Variants in CTNND2 observed in about 807,000 individuals in gnomAD.
CTNND2 encodes the protein catenin delta 2.
CTNND2 carries 22 observed loss-of-function variants against 144.4 expected under a neutral mutation model. That is an observed-to-expected ratio of 0.15 (90% CI 0.11 to 0.22). CTNND2 has a LOEUF of 0.22. Ranked by LOEUF, CTNND2 falls within the 10% of genes least tolerant of loss-of-function variation. CTNND2 has a pLI of 1.00. For missense variants in CTNND2, 1,353 were observed against 1,618.8 expected, an observed-to-expected ratio of 0.84 and a Z score of 2.82; for synonymous variants, 751 against 695.6, an observed-to-expected ratio of 1.08 and a Z score of -1.25.
intron 20 of CTNND2, 146 bp downstream of exon 20, chr5:10,987,965 A>T (rs950321483): frequency 1.1e-5 from 11 of 996,552 alleles, no homozygotes; most frequent in African/African-American, 1.6e-5. Flanking sequence ...AATCATCATT[A>T]TCAAGCTCTC....
chr5:11,343,586 G>T (rs1054495968), intron 9 of CTNND2, among the ~76,000 whole-genome samples: 1 of 151,742 alleles, frequency 6.6e-6, no homozygotes, highest in African/African-American at 2.4e-5. Flanking sequence ...AAAAATGTTC[G>T]TGCCAACATG....
intron 3 of CTNND2, among the ~76,000 whole-genome samples, chr5:11,553,411 G>C (rs1383102106): frequency 6.6e-6 from 1 of 152,128 alleles, no homozygotes; most frequent in East Asian, 1.9e-4. Context: ...TTAGAAAAGA[G>C]ACTTCAATGA....
rs9312766 is a variant in CTNND2, at chr5:11,373,788, C to G, written c.1178-8898G>C. 1.7e-3 allele frequency among the ~76,000 whole-genome samples: 258 copies of G among 152,250 alleles called. 1 individual carries two copies. Among genetic ancestry groups the G allele is most frequent in the African/African-American group, 6.1e-3 (253 of 41,542 alleles). ...TTAAGGCTGAAGCTTCAGAATATCC[C>G]CAGAAATATCCATTCCTGAAAGTGA... On this transcript the variant is annotated intron_variant, in intron 7 of 21. Coordinates refer to ENST00000304623, the MANE Select transcript of CTNND2 (RefSeq NM_001332.4).
chr5:11,695,603 T>C (rs531512206), intron 2 of CTNND2, among the ~76,000 whole-genome samples: 3 of 152,348 alleles, frequency 2.0e-5, no homozygotes, highest in African/African-American at 7.2e-5. Flanking sequence ...ATATTTTTAT[T>C]CCGTAACAAT....
Position 11,675,271 on chromosome 5 carries a change from G to A in CTNND2, c.174+56865C>T, listed in dbSNP as rs539732936. ...GCAGAACAGAAACTCACTTTCCATA[G>A]CACCAGCCCAATCCCTGTTTTAACC... On this transcript the variant is annotated intron_variant, in intron 2 of 21. Transcript: ENST00000304623. Among the ~76,000 whole-genome samples, 306 of 152,174 alleles carry A rather than the reference G, an allele frequency of 2.0e-3. 1 individual carries two copies. Among genetic ancestry groups the A allele is most frequent in the Non-Finnish European group, 3.8e-3 (261 of 68,006 alleles).
rs545955052 is a variant in CTNND2, at chr5:11,581,161, A to G, written c.175-16105T>C. 1.2e-4 allele frequency among the ~76,000 whole-genome samples: 19 copies of G among 152,076 alleles called. 1 individual carries two copies. The East Asian group carries it at 3.1e-3, about 25-fold the overall frequency. On this transcript the variant is annotated intron_variant, in intron 2 of 21. Coordinates refer to ENST00000304623, the MANE Select transcript of CTNND2 (RefSeq NM_001332.4). ...TTCAACTATAAATTTTTTTTTTCTGAACCCCTGTCAAACCAGACTTACCTA... is the reference window on the plus strand; with the variant it reads ...TTCAACTATAAATTTTTTTTTTCTGGACCCCTGTCAAACCAGACTTACCTA...
rs11430959 is a variant in CTNND2, at chr5:11,721,374, G to GTT, written c.174+10760_174+10761dup. On this transcript the variant is annotated intron_variant, in intron 2 of 21. Coordinates refer to ENST00000304623, the MANE Select transcript of CTNND2 (RefSeq NM_001332.4). Reference sequence around the variant, plus strand: ...GTATGTGAGTAAATCTCAATAAGCTGTTTTTTTTTAAATTCACCCCAGGCT... The same window carrying GTT: ...GTATGTGAGTAAATCTCAATAAGCTGTTTTTTTTTTTAAATTCACCCCAGGCT... 8.4e-4 allele frequency among the ~76,000 whole-genome samples: 127 copies of GTT among 151,400 alleles called. 1 individual carries two copies. In the South Asian group the frequency reaches 0.013, roughly 15 times the overall value.
At chr5:11,440,797 T>A (rs528732854) in intron 3 of CTNND2, among the ~76,000 whole-genome samples, 16 of 152,316 alleles carry the variant, frequency 1.1e-4, no homozygotes, top group African/African-American at 3.8e-4. Context: ...CTTCCCCAAA[T>A]TAAAATTTAA....
chr5:11,217,554 A>T (rs1739325145), intron 10 of CTNND2, among the ~76,000 whole-genome samples: 1 of 152,208 alleles, frequency 6.6e-6, no homozygotes, highest in South Asian at 2.1e-4. Flanking sequence ...CTGCTCATGC[A>T]TTTAGTGGAC....
intron 1 of CTNND2, among the ~76,000 whole-genome samples, chr5:11,817,715 T>A (rs1228639671): frequency 6.6e-6 from 1 of 152,052 alleles, no homozygotes; most frequent in African/African-American, 2.4e-5. Context: ...CTCCACAGGT[T>A]ACGGCGGGGA....
chr5:11,853,211 A>G (rs973930036), intron 1 of CTNND2, among the ~76,000 whole-genome samples: 6 of 152,102 alleles, frequency 3.9e-5, no homozygotes, highest in African/African-American at 1.4e-4. Flanking sequence ...TCCTCTTTCT[A>G]AAGCTGTGGA....
Position 11,106,061 on chromosome 5 carries a change from T to C in CTNND2, c.2463+4797A>G, listed in dbSNP as rs377301252. On this transcript the variant is annotated intron_variant, in intron 14 of 21. Coordinates refer to ENST00000304623, the MANE Select transcript of CTNND2 (RefSeq NM_001332.4). ...AAAGCCTAGGAGCATCCAAATGTCA[T>C]GAGGAGCAGATGCATGAAGTGATAA... is the stretch of plus-strand genomic sequence containing the variant. Among the ~76,000 whole-genome samples the C allele has an allele frequency of 7.3e-4, 111 of 152,298 alleles. 1 individual carries two copies. In the South Asian group the frequency reaches 0.021, roughly 29 times the overall value.
chr5:11,132,150 T>A (rs1037491841), intron 12 of CTNND2, among the ~76,000 whole-genome samples: 3 of 152,208 alleles, frequency 2.0e-5, no homozygotes, highest in Admixed American at 2.0e-4. Flanking sequence ...AATATTGTTT[T>A]ATTGTGGGGA....
chr5:11,323,234 G>GC lies in CTNND2; in HGVS notation c.1628+23137_1628+23138insG, dbSNP rs895552915. 5.5e-5 allele frequency among the ~76,000 whole-genome samples: 8 copies of GC among 146,050 alleles called. 1 individual carries two copies. Among genetic ancestry groups the GC allele is most frequent in the Non-Finnish European group, 7.6e-5 (5 of 66,216 alleles). ...AAAAACAAAAACATTTAGAGATTGG[G>GC]GGGGGGGGTCTCACTATATTGCCCA... On this transcript the variant is annotated intron_variant, in intron 9 of 21. Coordinates refer to ENST00000304623, the MANE Select transcript of CTNND2 (RefSeq NM_001332.4).
Position 11,081,800 on chromosome 5 carries a change from G to A in CTNND2, c.2788+896C>T, listed in dbSNP as rs573432238. ...GAATAGGAAAATCCATAGACAGAGA[G>A]CAGATTGATGGTTGCCAGGGGCTGG... On this transcript the variant is annotated intron_variant, in intron 16 of 21. Transcript: ENST00000304623. Among the ~76,000 whole-genome samples the A allele has an allele frequency of 5.3e-5, 8 of 152,326 alleles. 1 individual carries two copies. In the South Asian group the frequency reaches 1.7e-3, roughly 32 times the overall value.
chr5:11,068,387 G>C (rs559742844), intron 16 of CTNND2, among the ~76,000 whole-genome samples: 1 of 152,306 alleles, frequency 6.6e-6, no homozygotes, highest in East Asian at 1.9e-4. Flanking sequence ...TTGGTTTGCA[G>C]AGTAAAAATA....
intron 2 of CTNND2, among the ~76,000 whole-genome samples, chr5:11,580,407 G>A (rs897957051): frequency 6.6e-6 from 1 of 152,180 alleles, no homozygotes; most frequent in Non-Finnish European, 1.5e-5. Context: ...CATAACAAGT[G>A]TACATTATTC....
intron 1 of CTNND2, among the ~76,000 whole-genome samples, chr5:11,898,822 G>T (rs1290227264): frequency 6.6e-6 from 1 of 152,132 alleles, no homozygotes; most frequent in African/African-American, 2.4e-5. Flanking sequence ...TTGTAAAAAT[G>T]TTTTTCTGAC....
chr5:11,638,760 G>A (rs1483516226), intron 2 of CTNND2, among the ~76,000 whole-genome samples: 1 of 152,072 alleles, frequency 6.6e-6, no homozygotes, highest in African/African-American at 2.4e-5. Context: ...TTATAGTAGA[G>A]ACATGGTTTC....
Sources: allele counts gnomAD v4.1 joint callset (sites outside exome capture counted in the v4.1 genomes callset), GRCh38; gene constraint gnomAD v4.1.1; transcripts MANE v1.5; gene names NCBI Gene and HGNC (gene_info 2026-07-23, HGNC 2026-07-21).